Variants in SLC22A6 observed in about 807,000 individuals in gnomAD.
SLC22A6 encodes the protein PAH transporter.
SLC22A6 carries 45 observed loss-of-function variants against 56.7 expected under a neutral mutation model. That is an observed-to-expected ratio of 0.79 (90% CI 0.63 to 1.02). The LOEUF (loss-of-function observed/expected upper bound fraction) is 1.02, where lower values mean the gene tolerates loss of function less well. SLC22A6 is among the 50% of genes least tolerant of loss of function. The probability of loss-of-function intolerance (pLI) is 0.00; values close to 1 mark genes in which losing one functional copy is unlikely to be tolerated. For missense variants in SLC22A6, 606 were observed against 713.8 expected, an observed-to-expected ratio of 0.85 and a Z score of 1.72; for synonymous variants, 291 against 295.9, an observed-to-expected ratio of 0.98 and a Z score of 0.17.
intron 8 of SLC22A6, 74 bp from the exon 9 acceptor site, chr11:62,977,461 G>A: frequency 1.3e-6 from 2 of 1,507,054 alleles, no homozygotes; most frequent in Non-Finnish European, 1.8e-6. Context: ...CCATTTGGAG[G>A]GTGGCAGCTC....
chr11:62,984,538 C>T lies in SLC22A6; in HGVS notation c.153G>A (p.Pro51=), dbSNP rs534770233. 124 of 1,613,434 alleles carry T rather than the reference C, an allele frequency of 7.7e-5. 1 individual carries two copies. Among genetic ancestry groups the T allele is most frequent in the Non-Finnish European group, 9.2e-5 (108 of 1,179,812 alleles). The part of the protein sequence containing the change: ...TAAIPTHHCR[P]PADANLSKNG... ...TCTTGCTGAGGTTGGCATCGGCAGG[C>T]GGGCGGCAGTGGTGGGTAGGGATGG... The change falls in exon 1 of 10, where the codon CCG becomes CCA. Residue 51 remains proline, a synonymous_variant. Transcript: ENST00000360421.
rs2086287741 is a variant in SLC22A6 at position 62,984,055 on chromosome 11, G to T, written c.370-8C>A. The T allele has an allele frequency of 1.3e-6, 2 of 1,595,018 alleles. No homozygotes were observed. The highest frequency in any genetic ancestry group is 1.7e-6 in the Non-Finnish European group (2 of 1,164,454). ...AGAGCACACAAGGTCCCACTGTGGG[G>T]AGAGGAGCAAGGGTCAGGCAGAGAT... On this transcript the variant is annotated splice_polypyrimidine_tract_variant and splice_region_variant and intron_variant, in intron 1 of 9. Transcript: ENST00000360421.
At position 62,976,769 on chromosome 11, in the gene SLC22A6, G is replaced by A; in HGVS notation, c.*25C>T. On this transcript the variant is annotated 3_prime_UTR_variant, in exon 10 of 10. Coordinates refer to ENST00000360421, the MANE Select transcript of SLC22A6 (RefSeq NM_153276.3). ...CTGTAGGACCTTCCCTCCCTTTAGG[G>A]TTCTGTAAGGCCCCTTCTCAGTCCT... is the stretch of plus-strand genomic sequence containing the variant. The A allele has an allele frequency of 6.3e-7, 1 of 1,595,062 alleles. No homozygotes were observed. The highest frequency in any genetic ancestry group is 8.6e-7 in the Non-Finnish European group (1 of 1,167,448).
At position 62,977,276 on chromosome 11, in the gene SLC22A6, A is replaced by G; in HGVS notation, c.1473T>C (p.Gly491=). ...CAGCGCTGGCGGCCACAGGAACAGC[A>G]CCGTAGATGAAGAGAGGCATGGAGG... The part of the protein sequence containing the change: ...LYPSMPLFIY[G]AVPVAASAVT... The change falls in exon 9 of 10, where the codon GGT becomes GGC. Residue 491 remains glycine, a synonymous_variant. Coordinates refer to ENST00000360421, the MANE Select transcript of SLC22A6 (RefSeq NM_153276.3). 1 of 1,614,116 alleles carries G rather than the reference A, an allele frequency of 6.2e-7. No homozygotes were observed.
At position 62,984,788 on chromosome 11, in the gene SLC22A6, C is replaced by T; in HGVS notation, c.-98G>A. 2.2e-6 allele frequency: 3 copies of T among 1,348,228 alleles called. No individual in the cohort carries two copies. The highest frequency in any genetic ancestry group is 3.0e-6 in the Non-Finnish European group (3 of 1,006,248). The allele number at this position is 1,348,228 out of a possible 1,614,324, so 83.5% of individuals were successfully genotyped here. On this transcript the variant is annotated 5_prime_UTR_variant, in exon 1 of 10. It adds an upstream start codon to the 5' untranslated region. Coordinates refer to ENST00000360421, the MANE Select transcript of SLC22A6 (RefSeq NM_153276.3). ...GCTGTCCTTCGCTGGAGGAGCAGCA[C>T]TGCCGTTGCCTCCGCAGCTGGGTTG...
Position 62,981,067 on chromosome 11 carries a change from T to TG in SLC22A6, c.954dup (p.Met319HisfsTer32). The TG allele has an allele frequency of 6.2e-7, 1 of 1,612,506 alleles. No homozygotes were observed. The highest frequency in any genetic ancestry group is 1.1e-5 in the South Asian group (1 of 90,938). On this transcript the variant is annotated frameshift_variant, in exon 6 of 10. Coordinates refer to ENST00000360421, the MANE Select transcript of SLC22A6 (RefSeq NM_153276.3). LOFTEE classifies it high-confidence loss of function. ...ATGGCCGATGCCTGGCCTTTGCCCA[T>TG]GGTCAGCTCCTTCTGCAGACTGGCC...
chr11:62,984,725 G>A lies in SLC22A6; in HGVS notation c.-35C>T, dbSNP rs1418399437. On this transcript the variant is annotated 5_prime_UTR_variant, in exon 1 of 10. Coordinates refer to ENST00000360421, the MANE Select transcript of SLC22A6 (RefSeq NM_153276.3). ...CCCAGCCCAGTGGCTGGGGGCTGAGGCCTTCCAGTCCCAGGACCTCTGTCT... is the reference window on the plus strand; with the variant it reads ...CCCAGCCCAGTGGCTGGGGGCTGAGACCTTCCAGTCCCAGGACCTCTGTCT... 1.3e-6 allele frequency: 2 copies of A among 1,588,288 alleles called. No individual in the cohort carries two copies.
Position 62,981,368 on chromosome 11 carries a change from C to A in SLC22A6, c.813G>T (p.Ser271=), listed in dbSNP as rs759526127. The change falls in exon 5 of 10, where the codon TCG becomes TCT. Residue 271 remains serine (S), a synonymous_variant. Transcript: ENST00000360421. ...FFIYSWFFIE[S]ARWHSSSGRL... ...TCCCGGAGGAGGAGTGCCAGCGGGCCGACTCAATGAAGAACCTGGGAGCGG... is the reference window on the plus strand; with the variant it reads ...TCCCGGAGGAGGAGTGCCAGCGGGCAGACTCAATGAAGAACCTGGGAGCGG... 1 of 1,568,440 alleles carries A rather than the reference C, an allele frequency of 6.4e-7. No homozygotes were observed.
Position 62,984,511 on chromosome 11 carries a change from G to C in SLC22A6, c.180C>G (p.Asn60Lys). 1 of 1,613,964 alleles carries C rather than the reference G, an allele frequency of 6.2e-7. No homozygotes were observed. Among genetic ancestry groups the C allele is most frequent in the South Asian group, 1.1e-5 (1 of 91,082 alleles). Residue 60 changes from asparagine (N) to lysine (K), a missense_variant, in exon 1 of 10, where the codon AAC becomes AAG. Coordinates refer to ENST00000360421, the MANE Select transcript of SLC22A6 (RefSeq NM_153276.3). The stretch of plus-strand genomic sequence containing the variant: ...GGGGCAGCCAGACCTCCAGCCCCCC[G>C]TTCTTGCTGAGGTTGGCATCGGCAG... ...RPPADANLSKNGGLEVWLPRD... is the reference protein window; with the variant it reads ...RPPADANLSKKGGLEVWLPRD...
At position 62,981,206 on chromosome 11, in the gene SLC22A6, G is replaced by T. The variant is rs970580718; in HGVS notation, c.921+54C>A. ...CCTGGGCCCTGGGTCCTGGGTTTGG[G>T]GTTTGGGGGTGAAGCCCTGGGAGGT... On this transcript the variant is annotated intron_variant, in intron 5 of 9. Transcript: ENST00000360421. 7 of 1,606,510 alleles carry T rather than the reference G, an allele frequency of 4.4e-6. No individual in the cohort carries two copies. The African/African-American group carries it at 8.0e-5, about 18-fold the overall frequency.
chr11:62,984,073 G>T, intron 1 of SLC22A6, 26 bp from the exon 2 acceptor site: 1 of 1,503,028 alleles, frequency 6.7e-7, no homozygotes, highest in Non-Finnish European at 9.2e-7. Flanking sequence ...CAAGGGTCAG[G>T]CAGAGATGAG....
chr11:62,978,860 G>C (rs1455072132), intron 8 of SLC22A6, among the ~76,000 whole-genome samples: 1 of 152,198 alleles, frequency 6.6e-6, no homozygotes, highest in Non-Finnish European at 1.5e-5. Flanking sequence ...AAAGTGCTGG[G>C]ATTACAGGCG....
chr11:62,984,759 G>A lies in SLC22A6; in HGVS notation c.-69C>T. 6.6e-7 allele frequency: 1 copy of A among 1,511,108 alleles called. No individual in the cohort carries two copies. The highest frequency in any genetic ancestry group is 8.8e-7 in the Non-Finnish European group (1 of 1,130,396). 93.6% of individuals were successfully genotyped at this position (1,511,108 alleles called of 1,614,324 possible). A position where few individuals can be genotyped will look rare whatever the true frequency, so the allele number is the denominator to read the frequency against. ...TCCCAGGACCTCTGTCTGTCTGCCT[G>A]CCTGCTGTCCTTCGCTGGAGGAGCA... On this transcript the variant is annotated 5_prime_UTR_variant, in exon 1 of 10. Coordinates refer to ENST00000360421, the MANE Select transcript of SLC22A6 (RefSeq NM_153276.3).
At chr11:62,981,178 T>A in intron 5 of SLC22A6, 78 bp from the exon 6 acceptor site, 7 of 1,602,866 alleles carry the variant, frequency 4.4e-6, no homozygotes, top group Non-Finnish European at 6.0e-6. Context: ...CTTAGAGGAG[T>A]TCCCTGGGCC....
chr11:62,976,647 G>T lies in SLC22A6; in HGVS notation c.*147C>A. The T allele has an allele frequency of 1.6e-6, 1 of 608,204 alleles. No homozygotes were observed. The highest frequency in any genetic ancestry group is 2.9e-6 in the Non-Finnish European group (1 of 343,924). The allele number at this position is 608,204 out of a possible 1,614,324, so 37.7% of individuals were successfully genotyped here. ...ATGTGGTTCTGGTGGGGTTTATAAAGGGAGGTGGACCCCTGGGAAGATGCT... is the reference window on the plus strand; with the variant it reads ...ATGTGGTTCTGGTGGGGTTTATAAATGGAGGTGGACCCCTGGGAAGATGCT... On this transcript the variant is annotated 3_prime_UTR_variant, in exon 10 of 10. Transcript: ENST00000360421.
At chr11:62,984,218 T>TA in intron 1 of SLC22A6, 104 bp downstream of exon 1, 1 of 1,438,974 alleles carries the variant, frequency 6.9e-7, no homozygotes, top group Non-Finnish European at 9.4e-7. Flanking sequence ...ACTCAGCAGT[T>TA]AAAAAACTCA....
rs1177901360 is a variant in SLC22A6 at position 62,983,424 on chromosome 11, G to T, written c.628+113C>A. On this transcript the variant is annotated intron_variant, in intron 3 of 9. Coordinates refer to ENST00000360421, the MANE Select transcript of SLC22A6 (RefSeq NM_153276.3). This position sits in a 1 kb window ranked among gnomAD's most constrained non-coding sequence, Gnocchi z 4.5. Reference sequence around the variant, plus strand: ...TTCTATTGGCAGGAAGGTGAGACCCGAGAGAGGCTGGAGGGCAGGCAGGGC... The same window carrying T: ...TTCTATTGGCAGGAAGGTGAGACCCTAGAGAGGCTGGAGGGCAGGCAGGGC... 9.1e-7 allele frequency: 1 copy of T among 1,097,666 alleles called. No homozygotes were observed. The highest frequency in any genetic ancestry group is 1.3e-6 in the Non-Finnish European group (1 of 760,150). 68.0% of individuals were successfully genotyped at this position (1,097,666 alleles called of 1,614,324 possible).
chr11:62,977,849 C>T (rs532622101), intron 8 of SLC22A6, among the ~76,000 whole-genome samples: 60 of 152,294 alleles, frequency 3.9e-4, no homozygotes, highest in African/African-American at 1.4e-3. Context: ...TTGCAACAAG[C>T]CAACATACAC....
At chr11:62,982,582 C>T (rs896824524) in intron 3 of SLC22A6, among the ~76,000 whole-genome samples, 17 of 152,224 alleles carry the variant, frequency 1.1e-4, no homozygotes, top group African/African-American at 3.6e-4. Flanking sequence ...AGCCCAGTCC[C>T]GGTTAATTCC....
Sources: allele counts gnomAD v4.1 joint callset (sites outside exome capture counted in the v4.1 genomes callset), GRCh38; gene constraint gnomAD v4.1.1; non-coding constraint Gnocchi (gnomAD v3.1); transcripts MANE v1.5; gene names NCBI Gene and HGNC (gene_info 2026-07-23, HGNC 2026-07-21).